Variants in MAML2 observed in about 807,000 individuals in gnomAD.
MAML2 encodes the protein mastermind like transcriptional coactivator 2.
Under a neutral mutation model 96.1 loss-of-function variants are expected in MAML2, and 22 were observed. The ratio of observed to expected loss-of-function variants is 0.23; its 90% confidence interval spans 0.16 to 0.33. The LOEUF is 0.33. Ranked by LOEUF, MAML2 falls within the 10% of genes least tolerant of loss-of-function variation. The pLI is 1.00. For synonymous variants in MAML2, 561 were observed against 521.3 expected, an observed-to-expected ratio of 1.08 and a Z score of -1.04; for missense variants, 1,367 against 1,392.4, an observed-to-expected ratio of 0.98 and a Z score of 0.29.
chr11:96,044,685 A>G (rs1202975509), intron 2 of MAML2, among the ~76,000 whole-genome samples: 8 of 152,342 alleles, frequency 5.3e-5, no homozygotes, highest in Non-Finnish European at 1.2e-4. Flanking sequence ...GATGATATAC[A>G]AGCATTAGCT....
chr11:96,088,093 T>C (rs1037600701), intron 2 of MAML2, among the ~76,000 whole-genome samples: 2 of 152,170 alleles, frequency 1.3e-5, no homozygotes, highest in African/African-American at 4.8e-5. Flanking sequence ...CATTAGGAGA[T>C]GTGCCTGATT....
At chr11:96,115,473 A>ATTT (rs34562985) in intron 1 of MAML2, among the ~76,000 whole-genome samples, 9 of 148,018 alleles carry the variant, frequency 6.1e-5, no homozygotes, top group African/African-American at 2.0e-4. Context: ...CACCTGGCGG[A>ATTT]TTTTTTTTTT....
chr11:96,150,998 T>G (rs1860911100), intron 1 of MAML2, among the ~76,000 whole-genome samples: 1 of 152,214 alleles, frequency 6.6e-6, no homozygotes, highest in Non-Finnish European at 1.5e-5. Flanking sequence ...ACTCTTTTGG[T>G]GATCTGAATG....
intron 2 of MAML2, among the ~76,000 whole-genome samples, chr11:96,045,782 C>T (rs990791546): frequency 3.3e-5 from 5 of 152,208 alleles, no homozygotes; most frequent in East Asian, 3.9e-4. Context: ...GAAGATAAAT[C>T]GAGACAAACT....
intron 2 of MAML2, among the ~76,000 whole-genome samples, chr11:96,049,309 A>T (rs918478075): frequency 2.0e-5 from 3 of 152,206 alleles, no homozygotes; most frequent in African/African-American, 7.2e-5. Context: ...AAAGTAGAGA[A>T]ATTTACATAA....
intron 4 of MAML2, among the ~76,000 whole-genome samples, chr11:95,983,778 T>A (rs934500199): frequency 6.6e-6 from 1 of 152,186 alleles, no homozygotes; most frequent in Admixed American, 6.5e-5. Context: ...TGTACAGCTG[T>A]ACAATGTGAT....
At chr11:96,323,616 G>A (rs1434465655) in intron 1 of MAML2, among the ~76,000 whole-genome samples, 1 of 152,068 alleles carries the variant, frequency 6.6e-6, no homozygotes, top group East Asian at 1.9e-4. Context: ...TAGATTTGAG[G>A]CCCACTCACA....
chr11:96,086,119 G>C (rs867174701), intron 2 of MAML2, among the ~76,000 whole-genome samples: 101 of 152,260 alleles, frequency 6.6e-4, no homozygotes, highest in African/African-American at 2.4e-3. Flanking sequence ...AAGTAATAAG[G>C]ACAGATACCT....
rs56860340 is a variant in MAML2 at position 96,155,509 on chromosome 11, AATATAT to A, written c.514-61998_514-61993del. On this transcript the variant is annotated intron_variant, in intron 1 of 4. Coordinates refer to ENST00000524717, the MANE Select transcript of MAML2 (RefSeq NM_032427.4). The stretch of plus-strand genomic sequence containing the variant: ...ACCTCATGGGCGCTGTAACAATTCA[AATATAT>A]ATATATATATATATATATATATATA... Among the ~76,000 whole-genome samples the A allele has an allele frequency of 4.8e-3, 358 of 74,830 alleles. 9 individuals are homozygous for A. The highest frequency in any genetic ancestry group is 0.014 in the African/African-American group (238 of 16,506). 49.1% of individuals were successfully genotyped at this position (74,830 alleles called of 152,430 possible). A position where few individuals can be genotyped will look rare whatever the true frequency, so the allele number is the denominator to read the frequency against.
At chr11:96,193,999 C>A (rs1430207258) in intron 1 of MAML2, among the ~76,000 whole-genome samples, 1 of 152,222 alleles carries the variant, frequency 6.6e-6, no homozygotes, top group Admixed American at 6.5e-5. Flanking sequence ...ATCCAAGCAT[C>A]CTTTTTATGT....
At chr11:96,034,432 T>TGTGTGTGAGAGAGAGAGA (rs549312275) in intron 2 of MAML2, among the ~76,000 whole-genome samples, 3,485 of 135,052 alleles carry the variant, frequency 0.026, 52 homozygotes, top group Middle Eastern at 0.036. Context: ...TGTGTGTGTG[T>TGTGTGTGAGAGAGAGAGA]GAGAGAGAGA....
rs1368817331 is a variant in MAML2 at position 96,048,117 on chromosome 11, T to A, written c.2139+43775A>T. Among the ~76,000 whole-genome samples, 3 of 152,070 alleles carry A rather than the reference T, an allele frequency of 2.0e-5. No homozygotes were observed. The South Asian group carries it at 6.2e-4, about 32-fold the overall frequency. On this transcript the variant is annotated intron_variant, in intron 2 of 4. Coordinates refer to ENST00000524717, the MANE Select transcript of MAML2 (RefSeq NM_032427.4). ...TGTGCTATCTCCATCCTCCATGCTC[T>A]GTTTGGACAGCCAGTACCCACTCTA...
chr11:96,280,623 C>T (rs1863051912), intron 1 of MAML2, among the ~76,000 whole-genome samples: 1 of 152,190 alleles, frequency 6.6e-6, no homozygotes, highest in Non-Finnish European at 1.5e-5. Context: ...TCTGGGCTCG[C>T]ACCCTCCCTA....
intron 1 of MAML2, among the ~76,000 whole-genome samples, chr11:96,103,673 CCTGT>C (rs1859972465): frequency 6.6e-6 from 1 of 152,158 alleles, no homozygotes; most frequent in African/African-American, 2.4e-5. Context: ...CCTGTCCTTC[CCTGT>C]CTGTTTCTCT....
At chr11:96,128,723 A>C (rs1860494396) in intron 1 of MAML2, among the ~76,000 whole-genome samples, 1 of 152,234 alleles carries the variant, frequency 6.6e-6, no homozygotes, top group Admixed American at 6.5e-5. Context: ...GTAAACATGG[A>C]AACAGCTCAA....
chr11:96,161,937 G>A (rs554461549), intron 1 of MAML2, among the ~76,000 whole-genome samples: 2 of 152,164 alleles, frequency 1.3e-5, no homozygotes, highest in African/African-American at 4.8e-5. Flanking sequence ...AGTACCTGTG[G>A]GCTGAAAGCT....
intron 1 of MAML2, among the ~76,000 whole-genome samples, chr11:96,120,197 T>C (rs1458872187): frequency 6.6e-6 from 1 of 152,120 alleles, no homozygotes; most frequent in Non-Finnish European, 1.5e-5. Flanking sequence ...GACCTTGTGA[T>C]CCGCCCTCCT....
chr11:96,054,506 T>C (rs1423885675), intron 2 of MAML2, among the ~76,000 whole-genome samples: 1 of 152,198 alleles, frequency 6.6e-6, no homozygotes, highest in African/African-American at 2.4e-5. Context: ...CCTTTATCCA[T>C]GGGTTCTTCC....
intron 2 of MAML2, among the ~76,000 whole-genome samples, chr11:96,005,744 T>C (rs1858170000): frequency 6.6e-6 from 1 of 152,216 alleles, no homozygotes; most frequent in African/African-American, 2.4e-5. Flanking sequence ...GCTTTGGTAA[T>C]AAGTTCTGAC....
Sources: gnomAD v4.1 joint callset for allele counts (sites outside exome capture counted in the v4.1 genomes callset) on GRCh38, gnomAD v4.1.1 for gene constraint, MANE v1.5 for transcripts, NCBI Gene and HGNC (gene_info 2026-07-23, HGNC 2026-07-21) for gene names.